The following ZNF568 variants were observed in gnomAD, a reference collection of about 807,000 sequenced individuals.
ZNF568 encodes p53 inhibitor of SCO2 activation.
ZNF568 carries 11 observed loss-of-function variants against 18.1 expected under a neutral mutation model. The ratio of observed to expected loss-of-function variants is 0.61; its 90% CI spans 0.38 to 1.00. ZNF568 has a LOEUF of 1.00. Among genes scored for constraint, ZNF568 ranks in the 50% least tolerant of loss-of-function variants. The pLI is 0.01. For missense variants in ZNF568, 639 were observed against 768.2 expected (o/e 0.83, Z 1.99); for synonymous variants, 213 against 246.6 (o/e 0.86, Z 1.28).
intron 4 of ZNF568, among the ~76,000 whole-genome samples, chr19:36,932,543 C>T (rs566055991): frequency 1.3e-5 from 2 of 152,172 alleles, no homozygotes; most frequent in South Asian, 4.1e-4. Context: ...TGACCCAAGA[C>T]CACACACCAT....
Position 36,952,153 on chromosome 19 carries a change from G to T in ZNF568, c.*1065G>T. On this transcript the variant is annotated 3_prime_UTR_variant, in exon 7 of 7. Transcript: ENST00000333987. Reference sequence around the variant, plus strand: ...AGAAATATATATATAATATATGTATGTATGTATAGCCAGATGCAGTGGCAC... The same window carrying T: ...AGAAATATATATATAATATATGTATTTATGTATAGCCAGATGCAGTGGCAC... 1 of 548,486 alleles carries T rather than the reference G, an allele frequency of 1.8e-6. No individual in the cohort carries two copies. The allele number at this position is 548,486 out of a possible 1,614,324, so 34.0% of individuals were successfully genotyped here. A position where few individuals can be genotyped will look rare whatever the true frequency, so the allele number is the denominator to read the frequency against.
rs2074075441 is a variant in ZNF568 at position 36,952,588 on chromosome 19, C to A, written c.*1500C>A. On this transcript the variant is annotated 3_prime_UTR_variant, in exon 7 of 7. Transcript: ENST00000333987. ...CTATTTAAAATAGAATAGAAGGATACACACCCAATTATTGATAGCATTGTC... is the reference window on the plus strand; with the variant it reads ...CTATTTAAAATAGAATAGAAGGATAAACACCCAATTATTGATAGCATTGTC... 6.4e-6 allele frequency: 1 copy of A among 156,244 alleles called. No homozygotes were observed. 9.7% of individuals were successfully genotyped at this position (156,244 alleles called of 1,614,324 possible).
rs148994114 is a variant in ZNF568 at position 36,932,946 on chromosome 19, T to A, written c.136-3800T>A. 6.9e-3 allele frequency among the ~76,000 whole-genome samples: 1,056 copies of A among 152,348 alleles called. 12 individuals are homozygous for A. Among genetic ancestry groups the A allele is most frequent in the Non-Finnish European group, 0.011 (760 of 68,030 alleles). ...ATTCAAGTGTCATCAGATAAATGAT[T>A]TGGAAATATTTTATCCTATCCTCTG... On this transcript the variant is annotated intron_variant, in intron 4 of 6. Coordinates refer to ENST00000333987, the MANE Select transcript of ZNF568 (RefSeq NM_198539.4).
chr19:36,963,754 G>T (rs1312669816), intron 6 of ZNF568, among the ~76,000 whole-genome samples: 1 of 152,034 alleles, frequency 6.6e-6, no homozygotes, highest in Non-Finnish European at 1.5e-5. Context: ...GTATCACGAG[G>T]TCAAGAGATT....
At chr19:36,980,934 C>T (rs2146340723), downstream of ZNF568, among the ~76,000 whole-genome samples, 1 of 152,290 alleles carries the variant, frequency 6.6e-6, no homozygotes, top group Non-Finnish European at 1.5e-5. Context: ...CCCTAGTCAT[C>T]TCATGAGCAT....
chr19:36,917,987 C>T (rs2073377466), intron 2 of ZNF568, among the ~76,000 whole-genome samples: 1 of 152,144 alleles, frequency 6.6e-6, no homozygotes, highest in Non-Finnish European at 1.5e-5. Flanking sequence ...CTCGCTCTGT[C>T]ACCCAGGCTG....
rs2074067497 is a variant in ZNF568 at position 36,952,037 on chromosome 19, G to C, written c.*949G>C. ...TTGTCTATGACGTTGAGGCCAAGGA[G>C]CTTTTTTTTTTTTTTTTTCAAGACA... On this transcript the variant is annotated 3_prime_UTR_variant, in exon 7 of 7. Coordinates refer to ENST00000333987, the MANE Select transcript of ZNF568 (RefSeq NM_198539.4). The C allele has an allele frequency of 1.6e-6, 1 of 642,350 alleles. No homozygotes were observed. Among genetic ancestry groups the C allele is most frequent in the African/African-American group, 4.2e-5 (1 of 24,012 alleles). 39.8% of individuals were successfully genotyped at this position (642,350 alleles called of 1,614,324 possible). A position where few individuals can be genotyped will look rare whatever the true frequency, so the allele number is the denominator to read the frequency against.
At chr19:36,928,658 A>G (rs946232627) in intron 4 of ZNF568, among the ~76,000 whole-genome samples, 2 of 152,326 alleles carry the variant, frequency 1.3e-5, no homozygotes, top group Middle Eastern at 6.8e-3. Context: ...GAAGAGAAAC[A>G]CAAGAATGAT....
chr19:36,987,272 C>A (rs1207964005), intron 2 of ZNF568, among the ~76,000 whole-genome samples: 3 of 152,130 alleles, frequency 2.0e-5, no homozygotes, highest in Non-Finnish European at 4.4e-5. Context: ...ATTCCTGGAA[C>A]TGTGGTTTCA....
Position 36,952,185 on chromosome 19 carries a change from G to A in ZNF568, c.*1097G>A, listed in dbSNP as rs746874849. ...TAGCCAGATGCAGTGGCACATGCCTGTAATCCCAGCTACTTGGGAGGCTGA... is the reference window on the plus strand; with the variant it reads ...TAGCCAGATGCAGTGGCACATGCCTATAATCCCAGCTACTTGGGAGGCTGA... On this transcript the variant is annotated 3_prime_UTR_variant, in exon 7 of 7. Coordinates refer to ENST00000333987, the MANE Select transcript of ZNF568 (RefSeq NM_198539.4). 7.8e-5 allele frequency: 32 copies of A among 412,724 alleles called. No individual in the cohort carries two copies. The highest frequency in any genetic ancestry group is 1.0e-4 in the South Asian group (1 of 9,860). 25.6% of individuals were successfully genotyped at this position (412,724 alleles called of 1,614,324 possible).
chr19:36,927,613 G>A (rs184790154), intron 4 of ZNF568, among the ~76,000 whole-genome samples: 9 of 151,068 alleles, frequency 6.0e-5, no homozygotes, highest in Admixed American at 5.9e-4. Context: ...CTTTATATGG[G>A]CAATGATTTC....
At chr19:36,978,764 G>A (rs2074305802) in intron 7 of ZNF568, among the ~76,000 whole-genome samples, 1 of 151,976 alleles carries the variant, frequency 6.6e-6, no homozygotes, top group Non-Finnish European at 1.5e-5. Context: ...TACACTAGTC[G>A]TGTTAAACTA....
chr19:36,997,114 G>A, exon 5 of ZNF568: 1 of 1,568,072 alleles, frequency 6.4e-7, no homozygotes, highest in Non-Finnish European at 8.6e-7. Flanking sequence ...AATCCATACT[G>A]GTGAAAGACG....
intron 4 of ZNF568, among the ~76,000 whole-genome samples, chr19:36,992,700 T>C (rs1440463055): frequency 1.3e-5 from 2 of 152,158 alleles, no homozygotes; most frequent in Admixed American, 1.3e-4. Flanking sequence ...AATTCATCCA[T>C]TTAAAGTTCA....
downstream of ZNF568, chr19:36,997,767 C>A: frequency 1.7e-6 from 1 of 575,356 alleles, no homozygotes. Context: ...AAAGTTCATA[C>A]TGATTTGGAA....
At chr19:36,932,190 G>A (rs1401239978) in intron 4 of ZNF568, among the ~76,000 whole-genome samples, 2 of 152,126 alleles carry the variant, frequency 1.3e-5, no homozygotes, top group African/African-American at 4.8e-5. Flanking sequence ...GAACATTGAT[G>A]TACAAGTTTT....
intron 2 of ZNF568, chr19:36,991,120 G>T: frequency 6.7e-7 from 1 of 1,493,912 alleles, no homozygotes; most frequent in Non-Finnish European, 8.9e-7. Context: ...CTTTTATGTT[G>T]TCTTAAAGAT....
intron 7 of ZNF568, among the ~76,000 whole-genome samples, chr19:36,976,634 G>A (rs1170847153): frequency 6.6e-6 from 1 of 152,160 alleles, no homozygotes; most frequent in Non-Finnish European, 1.5e-5. Flanking sequence ...GAGCTGGCCG[G>A]GTGCGGTGGC....
chr19:36,976,922 G>A (rs955146682), intron 7 of ZNF568, among the ~76,000 whole-genome samples: 1 of 151,844 alleles, frequency 6.6e-6, no homozygotes, highest in Non-Finnish European at 1.5e-5. Flanking sequence ...GAAAAAAAAA[G>A]AAAGGGTAGA....
Sources: allele counts gnomAD v4.1 joint callset (sites outside exome capture counted in the v4.1 genomes callset), GRCh38; gene constraint gnomAD v4.1.1; transcripts MANE v1.5; gene names NCBI Gene and HGNC (gene_info 2026-07-23, HGNC 2026-07-21).